The following EGFL6 variants were observed in gnomAD, a reference collection of about 807,000 sequenced individuals.
The protein encoded by EGFL6 is epidermal growth factor-like protein 6.
In EGFL6, 42 loss-of-function variants were observed where a neutral mutation model predicts 43.1. The observed-to-expected ratio is 0.98, with a 90% CI of 0.76 to 1.26. The LOEUF (loss-of-function observed/expected upper bound fraction) is 1.26. EGFL6 is among the 50% of genes most tolerant of loss of function. The pLI is 0.00. For synonymous variants in EGFL6, 164 were observed against 163.2 expected, an observed-to-expected ratio of 1.01 and a Z score of -0.04; for missense variants, 429 against 427.8, an observed-to-expected ratio of 1.00 and a Z score of -0.02.
chrX:13,612,329 A>G (rs1006524230), intron 7 of EGFL6, among the ~76,000 whole-genome samples: 5 of 108,335 alleles, frequency 4.6e-5, no homozygotes, highest in Non-Finnish European at 9.6e-5. Flanking sequence ...CCCTTAGTGG[A>G]CACAGCACAT....
intron 1 of EGFL6, among the ~76,000 whole-genome samples, chrX:13,586,437 A>G: frequency 9.0e-6 from 1 of 111,661 alleles, no homozygotes; most frequent in Non-Finnish European, 1.9e-5. Flanking sequence ...ATAGAAATGT[A>G]TTTCTCACCA....
At chrX:13,577,146 T>C (rs978178519) in intron 1 of EGFL6, among the ~76,000 whole-genome samples, 3 of 109,290 alleles carry the variant, frequency 2.7e-5, no homozygotes, top group African/African-American at 1.0e-4. Context: ...TTTCTTTCCT[T>C]TTTGGCCAGG....
At chrX:13,582,296 CT>C (rs970222819) in intron 1 of EGFL6, among the ~76,000 whole-genome samples, 1 of 110,321 alleles carries the variant, frequency 9.1e-6, no homozygotes, top group African/African-American at 3.3e-5. Flanking sequence ...CTCCTAACCT[CT>C]TGATCCGCCC....
chrX:13,586,031 C>A (rs2045531581), intron 1 of EGFL6, among the ~76,000 whole-genome samples: 1 of 112,249 alleles, frequency 8.9e-6, no homozygotes, highest in Non-Finnish European at 1.9e-5. Flanking sequence ...TTTTTACCAA[C>A]AAATTTCAAT....
chrX:13,598,558 AGTT>A (rs72060307), intron 3 of EGFL6, among the ~76,000 whole-genome samples: 2,045 of 104,830 alleles, frequency 0.02, 35 homozygotes, highest in African/African-American at 0.055. Flanking sequence ...CTTATTCTTA[AGTT>A]GTTGTTGTTG....
chrX:13,594,709 G>T (rs1335852462), intron 2 of EGFL6, 127 bp from the exon 3 acceptor site: 2 of 458,911 alleles, frequency 4.4e-6, no homozygotes, highest in Admixed American at 7.0e-5. Flanking sequence ...CCCTTCAAAG[G>T]GAGGCAGATT....
intron 7 of EGFL6, among the ~76,000 whole-genome samples, chrX:13,615,555 A>G (rs2045714027): frequency 8.9e-6 from 1 of 112,112 alleles, no homozygotes; most frequent in Non-Finnish European, 1.9e-5. Flanking sequence ...ATAACTTAAC[A>G]TGCAATCTCT....
chrX:13,617,622 A>C, intron 7 of EGFL6, 108 bp from the exon 8 acceptor site: 1 of 657,891 alleles, frequency 1.5e-6, no homozygotes, highest in Non-Finnish European at 2.4e-6. Context: ...ATGTGGGTTC[A>C]TTCTGGAAGC....
intron 1 of EGFL6, among the ~76,000 whole-genome samples, chrX:13,580,975 C>G (rs2045502444): frequency 9.0e-6 from 1 of 111,693 alleles, no homozygotes; most frequent in South Asian, 3.8e-4. Flanking sequence ...TGACTGCCTT[C>G]CCTTCCTAGT....
At chrX:13,588,962 T>C (rs963533401) in intron 1 of EGFL6, among the ~76,000 whole-genome samples, 9 of 111,887 alleles carry the variant, frequency 8.0e-5, no homozygotes, top group Admixed American at 3.8e-4. Context: ...GTTTAGCAAA[T>C]TGGGTTTCCA....
chrX:13,569,893 T>G lies in EGFL6; in HGVS notation c.32T>G (p.Leu11Arg). The stretch of plus-strand genomic sequence containing the variant: ...CTGCCCTGGAGCCTTGCGCTCCCGC[T>G]GCTGCTCTCCTGGGTGGCAGGTGGT... MPLPWSLALP[L>R]LLSWVAGGFG... Residue 11 changes from leucine to arginine, a missense_variant, in exon 1 of 12, where the codon CTG becomes CGG. Transcript: ENST00000361306. 1.6e-6 allele frequency: 2 copies of G among 1,212,188 alleles called. No individual in the cohort carries two copies. The highest frequency in any genetic ancestry group is 2.2e-6 in the Non-Finnish European group (2 of 895,481).
intron 9 of EGFL6, among the ~76,000 whole-genome samples, chrX:13,622,413 A>G (rs1390893538): frequency 1.8e-5 from 2 of 111,763 alleles, no homozygotes; most frequent in African/African-American, 6.5e-5. Context: ...GATATAAAAT[A>G]TTTGGCAAAT....
chrX:13,608,911 C>A (rs1395228812), intron 7 of EGFL6, among the ~76,000 whole-genome samples: 1 of 112,506 alleles, frequency 8.9e-6, no homozygotes. Context: ...AGCTGATCTT[C>A]ATTAAAGTAT....
chrX:13,599,381 T>C (rs939117348), intron 3 of EGFL6, among the ~76,000 whole-genome samples: 3 of 110,808 alleles, frequency 2.7e-5, no homozygotes, highest in Non-Finnish European at 5.7e-5. Flanking sequence ...GAGAGAACCA[T>C]ATGTTGACCT....
intron 1 of EGFL6, among the ~76,000 whole-genome samples, chrX:13,578,406 A>T (rs28547447): frequency 0.028 from 2,988 of 107,223 alleles, 123 homozygotes; most frequent in African/African-American, 0.097. Flanking sequence ...AAATACCATT[A>T]GACCCAGCCA....
chrX:13,591,613 C>G (rs1218287764), intron 2 of EGFL6, among the ~76,000 whole-genome samples: 2 of 111,518 alleles, frequency 1.8e-5, no homozygotes, highest in Non-Finnish European at 3.8e-5. Flanking sequence ...TTTCTGATTT[C>G]TAAGCCAGAG....
At chrX:13,603,202 C>T (rs770649644) in intron 4 of EGFL6, 115 bp from the exon 5 acceptor site, 17 of 862,562 alleles carry the variant, frequency 2.0e-5, no homozygotes, top group South Asian at 3.5e-5. Context: ...TGAAACTTGT[C>T]CTATAATGCC....
In EGFL6 at chrX:13,617,703, G is replaced by A. The variant is rs754270181; in HGVS notation, c.779-27G>A. 12 of 1,124,458 alleles carry A rather than the reference G, an allele frequency of 1.1e-5. No homozygotes were observed. In the Admixed American group the frequency reaches 2.7e-4, roughly 25 times the overall value. The allele number at this position is 1,124,458 out of a possible 1,213,427, so 92.7% of individuals were successfully genotyped here. A position where few individuals can be genotyped will look rare whatever the true frequency, so the allele number is the denominator to read the frequency against. On this transcript the variant is annotated intron_variant, in intron 7 of 11. Coordinates refer to ENST00000361306, the MANE Select transcript of EGFL6 (RefSeq NM_015507.4). ...AGTAATTTAATTATCTTCCAATTTG[G>A]AACATATTGCCTCTTATTTGTTTTA...
intron 1 of EGFL6, among the ~76,000 whole-genome samples, chrX:13,579,804 G>A (rs2045495457): frequency 9.0e-6 from 1 of 110,773 alleles, no homozygotes; most frequent in Admixed American, 9.7e-5. Flanking sequence ...TCTGGCTGGA[G>A]GATCTGCTTC....
Sources: gnomAD v4.1 joint callset for allele counts (sites outside exome capture counted in the v4.1 genomes callset) on GRCh38, gnomAD v4.1.1 for gene constraint, MANE v1.5 for transcripts, NCBI Gene and HGNC (gene_info 2026-07-23, HGNC 2026-07-21) for gene names.